The following DOCK3 variants were observed in gnomAD, a reference collection of about 807,000 sequenced individuals.
DOCK3 encodes dedicator of cytokinesis 3.
Under a neutral mutation model 265.6 loss-of-function variants are expected in DOCK3, and 60 were observed. The observed-to-expected ratio is 0.23, with a 90% confidence interval of 0.18 to 0.28. DOCK3 has a LOEUF of 0.28. Among genes scored for constraint, DOCK3 ranks in the 10% least tolerant of loss-of-function variants. The probability of loss-of-function intolerance (pLI) is 1.00; values close to 1 mark genes in which losing one functional copy is unlikely to be tolerated. For synonymous variants in DOCK3, 881 were observed against 938.0 expected (o/e 0.94, Z 1.11); for missense variants, 1,981 against 2,594.3 (o/e 0.76, Z 5.14).
chr3:51,362,211 C>G (rs887237737), intron 48 of DOCK3, among the ~76,000 whole-genome samples: 2 of 152,192 alleles, frequency 1.3e-5, no homozygotes, highest in African/African-American at 4.8e-5. Context: ...GAAAATCCAG[C>G]TTCAGTCCTG....
At chr3:50,997,382 C>G (rs543175841) in intron 5 of DOCK3, among the ~76,000 whole-genome samples, 2 of 151,902 alleles carry the variant, frequency 1.3e-5, no homozygotes, top group African/African-American at 4.8e-5. Context: ...AAAAAAGATA[C>G]TCATATAGTG....
intron 27 of DOCK3, among the ~76,000 whole-genome samples, chr3:51,288,903 G>GGTGTGTGTGT (rs146598674): frequency 6.9e-6 from 1 of 144,176 alleles, no homozygotes; most frequent in Non-Finnish European, 1.5e-5. Flanking sequence ...TGTGTGTGTG[G>GGTGTGTGTGT]GTGTGTGTGT....
rs36089679 is a variant in DOCK3 at position 50,950,010 on chromosome 3, C to CT, written c.315+15946dup. Among the ~76,000 whole-genome samples, 137 of 141,284 alleles carry CT rather than the reference C, an allele frequency of 9.7e-4. 1 individual carries two copies. The highest frequency in any genetic ancestry group is 7.4e-3 in the Middle Eastern group (2 of 272). The allele number at this position is 141,284 out of a possible 152,430, so 92.7% of individuals were successfully genotyped here. ...ATACTTAGCTCATTTATTTTTAAAT[C>CT]TTTTTTTTTTTTTAGTCATGTCTAA... is the stretch of plus-strand genomic sequence containing the variant. On this transcript the variant is annotated intron_variant, in intron 5 of 52. Coordinates refer to ENST00000266037, the MANE Select transcript of DOCK3 (RefSeq NM_004947.5).
chr3:51,310,221 T>C lies in DOCK3; in HGVS notation c.2923-11T>C. On this transcript the variant is annotated splice_polypyrimidine_tract_variant and intron_variant, in intron 27 of 52. Transcript: ENST00000266037. ...TGGTGGTGTCTCACATCAGCTTTCC[T>C]CTGCTGTCAGGAATTTCTGCTGAAG... The C allele has an allele frequency of 6.3e-7, 1 of 1,587,988 alleles. No individual in the cohort carries two copies. Among genetic ancestry groups the C allele is most frequent in the Non-Finnish European group, 8.6e-7 (1 of 1,166,210 alleles).
At chr3:51,017,774 A>G (rs768566604) in intron 5 of DOCK3, among the ~76,000 whole-genome samples, 7 of 151,872 alleles carry the variant, frequency 4.6e-5, no homozygotes, top group African/African-American at 7.3e-5. Context: ...ATCATTGAGA[A>G]TGATCATGGC....
chr3:50,866,924 T>C (rs954309069), intron 3 of DOCK3, among the ~76,000 whole-genome samples: 2 of 152,204 alleles, frequency 1.3e-5, no homozygotes, highest in African/African-American at 4.8e-5. Flanking sequence ...CTGTTTCTTT[T>C]GTGGTTCCAA....
intron 2 of DOCK3, among the ~76,000 whole-genome samples, chr3:50,804,487 G>A (rs921264211): frequency 1.3e-5 from 2 of 152,134 alleles, no homozygotes; most frequent in African/African-American, 2.4e-5. Flanking sequence ...CTGCAATCCC[G>A]GTACCTTGGG....
chr3:50,997,782 G>A (rs1280709570), intron 5 of DOCK3, among the ~76,000 whole-genome samples: 1 of 152,140 alleles, frequency 6.6e-6, no homozygotes. Flanking sequence ...TCAGTTGGAG[G>A]AGTGTTTGGT....
chr3:50,922,198 C>G (rs1242886628), intron 4 of DOCK3, among the ~76,000 whole-genome samples: 1 of 152,226 alleles, frequency 6.6e-6, no homozygotes, highest in Non-Finnish European at 1.5e-5. Flanking sequence ...CTGCCATGGG[C>G]TCTACCCAGT....
At position 51,312,087 on chromosome 3, in the gene DOCK3, C is replaced by T. The variant is rs1241010212; in HGVS notation, c.3093+8C>T. Reference sequence around the variant, plus strand: ...ACTGACTTTGACTTTAAGGTAGGCACTCCTGAAATATCCATCACTATTATT... The same window carrying T: ...ACTGACTTTGACTTTAAGGTAGGCATTCCTGAAATATCCATCACTATTATT... On this transcript the variant is annotated splice_region_variant and intron_variant, in intron 29 of 52. Coordinates refer to ENST00000266037, the MANE Select transcript of DOCK3 (RefSeq NM_004947.5). 5.0e-6 allele frequency: 8 copies of T among 1,594,016 alleles called. No individual in the cohort carries two copies. The highest frequency in any genetic ancestry group is 4.0e-5 in the African/African-American group (3 of 74,650).
intron 1 of DOCK3, among the ~76,000 whole-genome samples, chr3:50,752,218 T>A (rs1417351889): frequency 6.6e-6 from 1 of 152,044 alleles, no homozygotes; most frequent in Non-Finnish European, 1.5e-5. Flanking sequence ...GATAAACTAC[T>A]TAGCGACTAT....
intron 1 of DOCK3, among the ~76,000 whole-genome samples, chr3:50,693,850 C>T (rs2035429557): frequency 6.6e-6 from 1 of 151,754 alleles, no homozygotes; most frequent in Non-Finnish European, 1.5e-5. Context: ...CTTTTCATAT[C>T]ATTCTCATGT....
At chr3:50,889,525 C>A (rs771897579) in intron 3 of DOCK3, among the ~76,000 whole-genome samples, 1 of 149,436 alleles carries the variant, frequency 6.7e-6, no homozygotes, top group African/African-American at 2.5e-5. Context: ...TGGTAAACAA[C>A]AAAGTAGAAA....
chr3:51,057,111 G>T (rs2081230769), intron 5 of DOCK3, among the ~76,000 whole-genome samples: 1 of 152,192 alleles, frequency 6.6e-6, no homozygotes, highest in East Asian at 1.9e-4. Context: ...AGGCATCACT[G>T]TGGCACAACG....
chr3:50,851,587 C>T (rs1386897994), intron 3 of DOCK3, among the ~76,000 whole-genome samples: 2 of 152,114 alleles, frequency 1.3e-5, no homozygotes, highest in Non-Finnish European at 2.9e-5. Context: ...GAGGACCCTG[C>T]TGCATATTGA....
chr3:50,849,049 T>C (rs1222204764), intron 3 of DOCK3, among the ~76,000 whole-genome samples: 1 of 152,290 alleles, frequency 6.6e-6, no homozygotes, highest in South Asian at 2.1e-4. Context: ...TTTTTTCTTT[T>C]CTTGAGATGG....
At chr3:51,271,754 G>A (rs2080506732) in intron 24 of DOCK3, among the ~76,000 whole-genome samples, 2 of 152,028 alleles carry the variant, frequency 1.3e-5, no homozygotes, top group Non-Finnish European at 1.5e-5. Flanking sequence ...AGGAGTCTGA[G>A]GCAGGAGAAT....
At chr3:50,839,873 A>G (rs370357667) in intron 2 of DOCK3, among the ~76,000 whole-genome samples, 52 of 150,554 alleles carry the variant, frequency 3.5e-4, no homozygotes, top group East Asian at 2.2e-3. Flanking sequence ...GGTTCAAGCA[A>G]TTCTCCTGCC....
intron 22 of DOCK3, among the ~76,000 whole-genome samples, chr3:51,251,065 T>C (rs1298800511): frequency 2.0e-5 from 3 of 152,088 alleles, no homozygotes; most frequent in Non-Finnish European, 4.4e-5. Flanking sequence ...TTCCCCACCC[T>C]GTGTCCAAGT....
Sources: allele counts gnomAD v4.1 joint callset (sites outside exome capture counted in the v4.1 genomes callset), GRCh38; gene constraint gnomAD v4.1.1; transcripts MANE v1.5; gene names NCBI Gene and HGNC (gene_info 2026-07-23, HGNC 2026-07-21).